The following MTFMT variants were observed in gnomAD, a reference collection of about 807,000 sequenced individuals.
The protein encoded by MTFMT is mitochondrial methionyl-tRNA formyltransferase.
A neutral mutation model predicts 51.8 loss-of-function variants in MTFMT; 47 were observed. That is an observed-to-expected ratio of 0.91 (90% CI 0.72 to 1.16). The LOEUF (loss-of-function observed/expected upper bound fraction) is 1.16. Ranked by LOEUF, MTFMT falls within the 50% of genes most tolerant of loss-of-function variation. MTFMT has a pLI of 0.00. For synonymous variants in MTFMT, 196 were observed against 176.7 expected, an observed-to-expected ratio of 1.11 and a Z score of -0.87; for missense variants, 512 against 482.3, an observed-to-expected ratio of 1.06 and a Z score of -0.58.
In MTFMT at chr15:65,003,115, GA is replaced by G. The variant is rs863224897; in HGVS notation, c.1116del (p.Pro373GlnfsTer19). On this transcript the variant is annotated frameshift_variant, in exon 9 of 9. Coordinates refer to ENST00000220058, the MANE Select transcript of MTFMT (RefSeq NM_139242.4). LOFTEE classifies it high-confidence loss of function. ...PSQCRFQTLR[L>X]PTKKKQKKTV... The stretch of plus-strand genomic sequence containing the variant: ...GTTTTTTTCTGCTTCTTCTTTGTTG[GA>G]AGTCTGAGAGTCTGAAATCTGCATT... 1.2e-6 allele frequency: 2 copies of G among 1,610,750 alleles called. No individual in the cohort carries two copies. Among genetic ancestry groups the G allele is most frequent in the African/African-American group, 2.7e-5 (2 of 74,790 alleles).
At chr15:65,020,095 C>T in intron 5 of MTFMT, 102 bp downstream of exon 5, 1 of 1,129,292 alleles carries the variant, frequency 8.9e-7, no homozygotes, top group African/African-American at 1.6e-5. Flanking sequence ...GGCACTCAAT[C>T]AAAATTAAGG....
chr15:65,003,880 A>G (rs2086199968), intron 8 of MTFMT, among the ~76,000 whole-genome samples: 1 of 147,464 alleles, frequency 6.8e-6, no homozygotes, highest in South Asian at 2.2e-4. Flanking sequence ...AAATACATAT[A>G]TATAGACCCA....
At chr15:65,014,019 T>C (rs2086294163) in intron 6 of MTFMT, among the ~76,000 whole-genome samples, 1 of 152,116 alleles carries the variant, frequency 6.6e-6, no homozygotes, top group Non-Finnish European at 1.5e-5. Context: ...TCCTTTTTTA[T>C]ATGTTGCTGG....
At chr15:65,018,680 C>G (rs2086344880) in intron 5 of MTFMT, among the ~76,000 whole-genome samples, 1 of 152,044 alleles carries the variant, frequency 6.6e-6, no homozygotes, top group Non-Finnish European at 1.5e-5. Context: ...GTGGTGGAAG[C>G]AAGGAAGCAC....
At chr15:65,006,919 A>G (rs1427955527) in intron 6 of MTFMT, among the ~76,000 whole-genome samples, 1 of 152,182 alleles carries the variant, frequency 6.6e-6, no homozygotes, top group Non-Finnish European at 1.5e-5. Flanking sequence ...AGTGATAGAG[A>G]CAGGAGACAG....
chr15:65,021,495 G>C lies in MTFMT; in HGVS notation c.645+19C>G, dbSNP rs201472455. 1.4e-4 allele frequency: 218 copies of C among 1,562,200 alleles called. No homozygotes were observed. The highest frequency in any genetic ancestry group is 8.3e-5 in the Admixed American group (5 of 59,892). On this transcript the variant is annotated intron_variant, in intron 4 of 8. Transcript: ENST00000220058. ...CCCACTAAATGAGTAAAAAGCAGTA[G>C]GATATTGGGGAATTATACCATGTTG...
At chr15:65,026,392 G>A (rs2086424719) in intron 2 of MTFMT, 1 of 220,954 alleles carries the variant, frequency 4.5e-6, no homozygotes, top group Non-Finnish European at 9.7e-6. Flanking sequence ...ATTGTGAAAC[G>A]TGTACCATAA....
At chr15:65,026,777 C>CTG in intron 2 of MTFMT, 54 bp downstream of exon 2, 1 of 1,315,832 alleles carries the variant, frequency 7.6e-7, no homozygotes, top group South Asian at 1.4e-5. Flanking sequence ...TATACAAGGT[C>CTG]CATTTATAAA....
intron 2 of MTFMT, 31 bp downstream of exon 2, chr15:65,026,800 T>C (rs756543414): frequency 1.3e-6 from 2 of 1,570,616 alleles, no homozygotes; most frequent in East Asian, 4.5e-5. Flanking sequence ...CCAAGGTTTC[T>C]ATACTGTATT....
At chr15:65,014,606 G>A (rs1479065620) in intron 6 of MTFMT, among the ~76,000 whole-genome samples, 20 of 150,828 alleles carry the variant, frequency 1.3e-4, no homozygotes, top group South Asian at 6.3e-4. Context: ...GATAACAGGC[G>A]TGAGCCACCA....
At chr15:65,022,704 GA>G (rs1364378933) in intron 3 of MTFMT, among the ~76,000 whole-genome samples, 2 of 136,684 alleles carry the variant, frequency 1.5e-5, no homozygotes, top group Non-Finnish European at 1.6e-5. Flanking sequence ...ACATCATTCA[GA>G]TTTTTTTTTT....
chr15:65,010,182 GTTTT>G (rs1287886123), intron 6 of MTFMT, among the ~76,000 whole-genome samples: 1 of 151,966 alleles, frequency 6.6e-6, no homozygotes, highest in African/African-American at 2.4e-5. Flanking sequence ...ATCTTGGGTT[GTTTT>G]TTTGTTTTGT....
chr15:65,014,953 G>C, intron 6 of MTFMT, among the ~76,000 whole-genome samples: 1 of 84,366 alleles, frequency 1.2e-5, no homozygotes, highest in Admixed American at 1.3e-4. Context: ...TTTTTTTTTT[G>C]CTTACTTGTT....
chr15:65,005,756 G>A (rs765163385), intron 7 of MTFMT, among the ~76,000 whole-genome samples: 2 of 151,938 alleles, frequency 1.3e-5, no homozygotes, highest in Admixed American at 6.6e-5. Flanking sequence ...TTACAGGCAT[G>A]TGCCACCATG....
At chr15:65,015,666 G>A (rs939646060) in intron 6 of MTFMT, among the ~76,000 whole-genome samples, 3 of 152,016 alleles carry the variant, frequency 2.0e-5, no homozygotes, top group Non-Finnish European at 2.9e-5. Flanking sequence ...GCAAAACCTC[G>A]TCTCTACAAA....
chr15:65,003,622 C>T (rs538558313), intron 8 of MTFMT, among the ~76,000 whole-genome samples: 3 of 151,090 alleles, frequency 2.0e-5, no homozygotes, highest in Non-Finnish European at 4.4e-5. Context: ...TTTGGGAGGC[C>T]GAGGCGGGTG....
At chr15:65,029,210 A>G (rs2086456888) in intron 1 of MTFMT, 195 bp downstream of exon 1, 5 of 928,624 alleles carry the variant, frequency 5.4e-6, no homozygotes, top group African/African-American at 1.8e-5. Flanking sequence ...CGCAGACCGC[A>G]GGTACTAGGC....
chr15:65,004,236 C>T (rs952280406), intron 8 of MTFMT, among the ~76,000 whole-genome samples: 2 of 151,988 alleles, frequency 1.3e-5, no homozygotes, highest in African/African-American at 4.8e-5. Context: ...AGTCTGGTCT[C>T]GAATTCCCGA....
At position 65,021,394 on chromosome 15, in the gene MTFMT, T is replaced by C. The variant is rs1026979177; in HGVS notation, c.645+120A>G. On this transcript the variant is annotated intron_variant, in intron 4 of 8. Coordinates refer to ENST00000220058, the MANE Select transcript of MTFMT (RefSeq NM_139242.4). ...AGGCTAATTTTTAGGAAGCCAAAGA[T>C]AGAAATTACTCTTTTTTGTTTTTAA... 73 of 704,320 alleles carry C rather than the reference T, an allele frequency of 1.0e-4. No individual in the cohort carries two copies. The African/African-American group carries it at 1.1e-3, about 10-fold the overall frequency. The allele number at this position is 704,320 out of a possible 1,614,324, so 43.6% of individuals were successfully genotyped here. A position where few individuals can be genotyped will look rare whatever the true frequency, so the allele number is the denominator to read the frequency against.
Sources: gnomAD v4.1 joint callset for allele counts (sites outside exome capture counted in the v4.1 genomes callset) on GRCh38, gnomAD v4.1.1 for gene constraint, MANE v1.5 for transcripts, NCBI Gene and HGNC (gene_info 2026-07-23, HGNC 2026-07-21) for gene names.